Variants in RBPMS observed in about 807,000 individuals in gnomAD.
The protein encoded by RBPMS is RNA-binding protein with multiple splicing.
Under a neutral mutation model 26.8 loss-of-function variants are expected in RBPMS, and 7 were observed. That is an observed-to-expected ratio of 0.26 (90% CI 0.15 to 0.49). The LOEUF is 0.49. RBPMS is among the 20% of genes least tolerant of loss of function. RBPMS has a pLI of 0.98. For synonymous variants in RBPMS, 96 were observed against 93.3 expected (o/e 1.03, Z -0.17); for missense variants, 186 against 250.0 (o/e 0.74, Z 1.73).
intron 7 of RBPMS, among the ~76,000 whole-genome samples, chr8:30,559,805 G>A (rs1181196634): frequency 6.6e-6 from 1 of 152,228 alleles, no homozygotes. Flanking sequence ...AAATGCTAAA[G>A]AGATCATGGC....
intron 1 of RBPMS, among the ~76,000 whole-genome samples, chr8:30,474,447 G>T (rs1817472895): frequency 6.6e-6 from 1 of 152,104 alleles, no homozygotes; most frequent in Non-Finnish European, 1.5e-5. Context: ...TTAGAAGTGT[G>T]CAATGGCTAG....
chr8:30,436,246 G>C (rs776607167), intron 1 of RBPMS, among the ~76,000 whole-genome samples: 10 of 151,750 alleles, frequency 6.6e-5, no homozygotes, highest in Non-Finnish European at 1.2e-4. Context: ...CTGGTACTAG[G>C]AGACTTTTAT....
intron 1 of RBPMS, among the ~76,000 whole-genome samples, chr8:30,387,944 T>C (rs546099966): frequency 6.6e-6 from 1 of 152,254 alleles, no homozygotes; most frequent in Admixed American, 6.5e-5. Context: ...TTGGAAGTTT[T>C]TGAGAACTTT....
At chr8:30,467,434 A>G (rs779018585) in intron 1 of RBPMS, among the ~76,000 whole-genome samples, 1 of 152,160 alleles carries the variant, frequency 6.6e-6, no homozygotes, top group African/African-American at 2.4e-5. Flanking sequence ...CTGCATGGGT[A>G]TGTGGAGGCC....
Position 30,427,617 on chromosome 8 carries a change from A to G in RBPMS, c.66+42459A>G, listed in dbSNP as rs143395193. On this transcript the variant is annotated intron_variant, in intron 1 of 8. Coordinates refer to ENST00000397323, the MANE Select transcript of RBPMS (RefSeq NM_001008710.3). The stretch of plus-strand genomic sequence containing the variant: ...TTTAAAGGTCTGTGTTACAGCATAC[A>G]TATCATGTTGTAATTATTTTTTATG... Among the ~76,000 whole-genome samples, 42 of 152,296 alleles carry G rather than the reference A, an allele frequency of 2.8e-4. No homozygotes were observed. The East Asian group carries it at 5.2e-3, about 19-fold the overall frequency.
At chr8:30,549,621 CAGG>C in intron 6 of RBPMS, 6 of 1,534,718 alleles carry the variant, frequency 3.9e-6, no homozygotes, top group South Asian at 1.1e-5. Flanking sequence ...TTAGCTCTCA[CAGG>C]AGGAGGGGCG....
At chr8:30,492,823 C>G (rs7008453) in intron 4 of RBPMS, among the ~76,000 whole-genome samples, 4,227 of 152,146 alleles carry the variant, frequency 0.028, 224 homozygotes, top group African/African-American at 0.096. Context: ...TTTCTTTTGT[C>G]CATTTTATTG....
At chr8:30,450,895 G>T (rs560434868) in intron 1 of RBPMS, among the ~76,000 whole-genome samples, 78 of 151,040 alleles carry the variant, frequency 5.2e-4, no homozygotes, top group African/African-American at 1.8e-3. Flanking sequence ...TGCCTTTTAT[G>T]GTACTGACTG....
At chr8:30,483,373 A>G (rs567460649) in intron 4 of RBPMS, among the ~76,000 whole-genome samples, 1 of 152,306 alleles carries the variant, frequency 6.6e-6, no homozygotes, top group South Asian at 2.1e-4. Flanking sequence ...AAGTCTGTAC[A>G]TCACTACAAA....
chr8:30,544,563 C>A lies in RBPMS; in HGVS notation c.467C>A (p.Ala156Glu). The change falls in exon 6 of 9, where the codon GCG (alanine) becomes GAG (glutamate). Residue 156 changes from alanine (A) to glutamate (E), a missense_variant. By Grantham distance (107) the Ala-to-Glu change is moderately radical (BLOSUM62 -1). This residue lies in a region of RBPMS where 98 missense variants were observed against 113.6 expected (regional missense o/e 0.86). Transcript: ENST00000397323. ...TGGGCCCCGTACCCTCTGTACCCAG[C>A]GGAGTTAGCGCCTGCTCTACCTCCT... Reference protein sequence around the residue: ...EVWAPYPLYPAELAPALPPPA... With the variant: ...EVWAPYPLYPEELAPALPPPA... 1 of 1,614,172 alleles carries A rather than the reference C, an allele frequency of 6.2e-7. No individual in the cohort carries two copies. The highest frequency in any genetic ancestry group is 8.5e-7 in the Non-Finnish European group (1 of 1,180,020).
At chr8:30,438,296 T>C (rs1812697673) in intron 1 of RBPMS, among the ~76,000 whole-genome samples, 1 of 152,226 alleles carries the variant, frequency 6.6e-6, no homozygotes, top group African/African-American at 2.4e-5. Flanking sequence ...GTCATTACTT[T>C]TATCAGGTAC....
rs74485206 is a variant in RBPMS at position 30,520,664 on chromosome 8, C to A, written c.397+16228C>A. On this transcript the variant is annotated intron_variant, in intron 5 of 8. Coordinates refer to ENST00000397323, the MANE Select transcript of RBPMS (RefSeq NM_001008710.3). ...ATAATGCATTTCTTTGGCTATTTAT[C>A]TGGTTAAAGCAACTCCTTTATCCAC... Among the ~76,000 whole-genome samples, 1,065 of 152,178 alleles carry A rather than the reference C, an allele frequency of 7.0e-3. 13 individuals carry two copies. Among genetic ancestry groups the A allele is most frequent in the African/African-American group, 0.024 (1,011 of 41,498 alleles).
At chr8:30,385,270 C>CCCCGGACGCAGCCCCACAGTGTGG in intron 1 of RBPMS, 112 bp downstream of exon 1, 1 of 688,988 alleles carries the variant, frequency 1.5e-6, no homozygotes, top group Non-Finnish European at 2.2e-6. Context: ...ATGGCCCGTG[C>CCCCGGACGCAGCCCCACAGTGTGG]CCCGGACGCA....
chr8:30,531,706 G>C (rs1318958299), intron 5 of RBPMS, among the ~76,000 whole-genome samples: 1 of 152,232 alleles, frequency 6.6e-6, no homozygotes, highest in Non-Finnish European at 1.5e-5. Flanking sequence ...AAAGTCAACA[G>C]TGTGACTATT....
At chr8:30,412,670 A>G (rs1452678241) in intron 1 of RBPMS, among the ~76,000 whole-genome samples, 1 of 152,182 alleles carries the variant, frequency 6.6e-6, no homozygotes, top group Admixed American at 6.5e-5. Context: ...AAGTTGGTTC[A>G]TTCTTTTTTA....
At chr8:30,438,777 T>A (rs1812755329) in intron 1 of RBPMS, among the ~76,000 whole-genome samples, 1 of 152,142 alleles carries the variant, frequency 6.6e-6, no homozygotes, top group Non-Finnish European at 1.5e-5. Flanking sequence ...TTACTTTTTT[T>A]TTATTTATTT....
chr8:30,389,282 A>T (rs1807490528), intron 1 of RBPMS, among the ~76,000 whole-genome samples: 1 of 152,228 alleles, frequency 6.6e-6, no homozygotes, highest in Non-Finnish European at 1.5e-5. Context: ...TTATTTTTCC[A>T]GTAGCGGTTT....
intron 7 of RBPMS, among the ~76,000 whole-genome samples, chr8:30,560,176 A>G (rs750323591): frequency 2.6e-5 from 4 of 152,160 alleles, no homozygotes; most frequent in African/African-American, 9.7e-5. Context: ...TGCACAGGTA[A>G]GTTGCCCTGT....
chr8:30,465,098 C>T (rs1172941049), intron 1 of RBPMS, among the ~76,000 whole-genome samples: 1 of 152,168 alleles, frequency 6.6e-6, no homozygotes, highest in Non-Finnish European at 1.5e-5. Flanking sequence ...GGAGTAAGAA[C>T]AGGACCAGAG....
Sources: allele counts gnomAD v4.1 joint callset (sites outside exome capture counted in the v4.1 genomes callset), GRCh38; gene constraint gnomAD v4.1.1; regional missense constraint gnomAD v4.1.1; transcripts MANE v1.5; gene names NCBI Gene and HGNC (gene_info 2026-07-23, HGNC 2026-07-21).